Variants in TXNDC15 observed in about 807,000 individuals in gnomAD.
The protein encoded by TXNDC15 is thioredoxin domain-containing protein 15.
A neutral mutation model predicts 35.0 loss-of-function variants in TXNDC15; 24 were observed. The ratio of observed to expected loss-of-function variants is 0.68; its 90% CI spans 0.50 to 0.96. The LOEUF (loss-of-function observed/expected upper bound fraction) is 0.96, where lower values mean the gene tolerates loss of function less well. Ranked by LOEUF, TXNDC15 falls within the 40% of genes least tolerant of loss-of-function variation. The probability of loss-of-function intolerance (pLI) is 0.00; values close to 1 mark genes in which losing one functional copy is unlikely to be tolerated. For synonymous variants in TXNDC15, 169 were observed against 174.0 expected, an observed-to-expected ratio of 0.97 and a Z score of 0.23; for missense variants, 385 against 453.3, an observed-to-expected ratio of 0.85 and a Z score of 1.37.
chr5:134,885,883 G>C (rs1210621784), intron 1 of TXNDC15, among the ~76,000 whole-genome samples: 1 of 152,112 alleles, frequency 6.6e-6, no homozygotes. Flanking sequence ...AGGTAAATCT[G>C]GTTCTTGTTA....
In TXNDC15 at chr5:134,899,724, C is replaced by T. The variant is rs756153928; in HGVS notation, c.*39C>T. 3 of 1,497,272 alleles carry T rather than the reference C, an allele frequency of 2.0e-6. No homozygotes were observed. The highest frequency in any genetic ancestry group is 2.7e-6 in the Non-Finnish European group (3 of 1,113,562). The allele number at this position is 1,497,272 out of a possible 1,614,324, so 92.7% of individuals were successfully genotyped here. A position where few individuals can be genotyped will look rare whatever the true frequency, so the allele number is the denominator to read the frequency against. On this transcript the variant is annotated 3_prime_UTR_variant, in exon 5 of 5. Coordinates refer to ENST00000358387, the MANE Select transcript of TXNDC15 (RefSeq NM_024715.4). ...GAAGTTGGAAAGAGGAACTTCAATC[C>T]TTCGTTTCAGAAATTAGTGCTACAG...
intron 2 of TXNDC15, among the ~76,000 whole-genome samples, chr5:134,889,624 G>T (rs1283703442): frequency 6.6e-6 from 1 of 152,186 alleles, no homozygotes; most frequent in Non-Finnish European, 1.5e-5. Flanking sequence ...TTGGATTTGA[G>T]ATCGTAGTCC....
At position 134,874,531 on chromosome 5, in the gene TXNDC15, G is replaced by T; in HGVS notation, c.103+1G>T. 1.3e-6 allele frequency: 2 copies of T among 1,598,298 alleles called. No individual in the cohort carries two copies. ...GGACTTCCCGTCCGCGGCGTGGAGG[G>T]TGAGTGTGGGCCGGGGGCGGTGCAT... On this transcript the variant is annotated splice_donor_variant, in intron 1 of 4. Transcript: ENST00000358387. LOFTEE classifies it high-confidence loss of function.
intron 1 of TXNDC15, among the ~76,000 whole-genome samples, chr5:134,882,190 C>T: frequency 6.6e-6 from 1 of 151,288 alleles, no homozygotes; most frequent in Non-Finnish European, 1.5e-5. Context: ...AGAGACGCTC[C>T]TCACATCCCG....
intron 2 of TXNDC15, chr5:134,892,187 T>C (rs1210962099): frequency 6.6e-6 from 1 of 152,164 alleles, no homozygotes; most frequent in Non-Finnish European, 1.5e-5. Context: ...CCCATTGATC[T>C]TTGATGTTAC....
intron 2 of TXNDC15, among the ~76,000 whole-genome samples, chr5:134,890,737 C>T (rs1440455888): frequency 6.6e-6 from 1 of 152,214 alleles, no homozygotes; most frequent in Non-Finnish European, 1.5e-5. Flanking sequence ...TAATTCCTTT[C>T]ACGAAAGAAT....
At position 134,888,164 on chromosome 5, in the gene TXNDC15, A is replaced by G. The variant is rs992611662; in HGVS notation, c.573A>G (p.Lys191=). 2 of 1,602,832 alleles carry G rather than the reference A, an allele frequency of 1.2e-6. No homozygotes were observed. The highest frequency in any genetic ancestry group is 2.7e-5 in the African/African-American group (2 of 74,640). Residue 191 remains lysine (K), a synonymous_variant, in exon 2 of 5, where the codon AAA becomes AAG. Transcript: ENST00000358387. The stretch of plus-strand genomic sequence containing the variant: ...CAGGATTAGAAAATTTCACTCTGAA[A>G]ATTTTAAATATGTCACAGGTAAGGA... ...NITGLENFTL[K]ILNMSQDLMD...
At chr5:134,877,472 A>G (rs1042198002) in intron 1 of TXNDC15, among the ~76,000 whole-genome samples, 5 of 152,168 alleles carry the variant, frequency 3.3e-5, no homozygotes, top group African/African-American at 1.2e-4. Context: ...TGGAGGGGGG[A>G]TAGCAGGCTG....
Position 134,887,868 on chromosome 5 carries a change from A to G in TXNDC15, c.277A>G (p.Met93Val), listed in dbSNP as rs1486887522. The stretch of plus-strand genomic sequence containing the variant: ...GGACACCCAAGGCGATCACATGGTG[A>G]TGCTGTCTGTGATTCCTGGGGAAGC... The part of the protein sequence containing the change: ...GLDTQGDHMV[M>V]LSVIPGEAED... The change falls in exon 2 of 5, where the codon ATG (methionine) becomes GTG (valine). Residue 93 changes from methionine (M) to valine (V), a missense_variant. Transcript: ENST00000358387. 1.9e-6 allele frequency: 3 copies of G among 1,614,194 alleles called. No individual in the cohort carries two copies. In the South Asian group the frequency reaches 3.3e-5, roughly 18 times the overall value.
At chr5:134,893,400 C>T in intron 2 of TXNDC15, 92 bp from the exon 3 acceptor site, 1 of 1,503,334 alleles carries the variant, frequency 6.7e-7, no homozygotes, top group East Asian at 2.3e-5. Flanking sequence ...CCGTTCCTCT[C>T]CCTGGAGCAG....
chr5:134,899,780 C>A lies in TXNDC15; in HGVS notation c.*95C>A. 4 of 1,011,938 alleles carry A rather than the reference C, an allele frequency of 4.0e-6. No individual in the cohort carries two copies. Among genetic ancestry groups the A allele is most frequent in the Non-Finnish European group, 5.7e-6 (4 of 705,086 alleles). The allele number at this position is 1,011,938 out of a possible 1,614,324, so 62.7% of individuals were successfully genotyped here. ...TACATTTTCTCCAGTGACGTGTTGA[C>A]TTGAAACTTCAGGCAGATTAAAAGA... is the stretch of plus-strand genomic sequence containing the variant. On this transcript the variant is annotated 3_prime_UTR_variant, in exon 5 of 5. Transcript: ENST00000358387.
chr5:134,875,892 A>G (rs746118704), intron 1 of TXNDC15, among the ~76,000 whole-genome samples: 4 of 151,330 alleles, frequency 2.6e-5, no homozygotes, highest in Non-Finnish European at 5.9e-5. Flanking sequence ...CTGGTCTGGA[A>G]CTCCTGACCT....
rs1031786351 is a variant in TXNDC15 at position 134,900,843 on chromosome 5, A to C, written c.*1158A>C. Reference sequence around the variant, plus strand: ...CACTCTGTCACCTAGGCTGGAGTGCAATGGTGCAATCTTGGCTCACTGCAA... The same window carrying C: ...CACTCTGTCACCTAGGCTGGAGTGCCATGGTGCAATCTTGGCTCACTGCAA... On this transcript the variant is annotated 3_prime_UTR_variant, in exon 5 of 5. Coordinates refer to ENST00000358387, the MANE Select transcript of TXNDC15 (RefSeq NM_024715.4). 1.3e-5 allele frequency: 2 copies of C among 151,772 alleles called. No individual in the cohort carries two copies. Among genetic ancestry groups the C allele is most frequent in the Admixed American group, 1.3e-4 (2 of 15,222 alleles). The allele number at this position is 151,772 out of a possible 1,614,324, so 9.4% of individuals were successfully genotyped here.
At chr5:134,874,267 G>A (rs1749979666), upstream of TXNDC15, 1 of 590,906 alleles carries the variant, frequency 1.7e-6, no homozygotes, top group Non-Finnish European at 2.9e-6. Context: ...AGCGGCTAGA[G>A]GCCGTCCGCC....
intron 1 of TXNDC15, among the ~76,000 whole-genome samples, chr5:134,875,678 AT>A (rs1283511469): frequency 7.0e-6 from 1 of 143,598 alleles, no homozygotes; most frequent in East Asian, 2.0e-4. Context: ...TTTTATTTTT[AT>A]TTTTTTTTGA....
At chr5:134,889,870 TA>T (rs1383579597) in intron 2 of TXNDC15, among the ~76,000 whole-genome samples, 1 of 152,238 alleles carries the variant, frequency 6.6e-6, no homozygotes, top group African/African-American at 2.4e-5. Context: ...GCATTATGTT[TA>T]AAAAATGTAT....
chr5:134,899,918 G>T lies in TXNDC15; in HGVS notation c.*233G>T. On this transcript the variant is annotated 3_prime_UTR_variant, in exon 5 of 5. Coordinates refer to ENST00000358387, the MANE Select transcript of TXNDC15 (RefSeq NM_024715.4). ...TAGATGCACTATTCTTGTTTTTACT[G>T]CATGAACGTAATCCAGTATTTGGAA... 2.3e-6 allele frequency: 1 copy of T among 435,840 alleles called. No homozygotes were observed. The highest frequency in any genetic ancestry group is 4.0e-6 in the Non-Finnish European group (1 of 249,676). 27.0% of individuals were successfully genotyped at this position (435,840 alleles called of 1,614,324 possible).
chr5:134,882,852 G>GGGGAGA (rs1416978833), intron 1 of TXNDC15, among the ~76,000 whole-genome samples: 2 of 152,132 alleles, frequency 1.3e-5, no homozygotes, highest in South Asian at 2.1e-4. Context: ...AGAGGGGGAG[G>GGGGAGA]GGGAGAGGGA....
At position 134,899,664 on chromosome 5, in the gene TXNDC15, A is replaced by G. The variant is rs1241956953; in HGVS notation, c.1062A>G (p.Gln354=). 2.5e-6 allele frequency: 4 copies of G among 1,610,606 alleles called. No homozygotes were observed. In the African/African-American group the frequency reaches 5.4e-5, roughly 22 times the overall value. Residue 354 remains glutamine, a synonymous_variant, in exon 5 of 5, where the codon CAA becomes CAG. Transcript: ENST00000358387. Reference sequence around the variant, plus strand: ...GTATTCGGTGGCTAATTCCAGGACAAGAGCAGGAACATGTGGAGTAGTGAT... The same window carrying G: ...GTATTCGGTGGCTAATTCCAGGACAGGAGCAGGAACATGTGGAGTAGTGAT... ...TESIRWLIPG[Q]EQEHVE
Sources: gnomAD v4.1 joint callset for allele counts (sites outside exome capture counted in the v4.1 genomes callset) on GRCh38, gnomAD v4.1.1 for gene constraint, MANE v1.5 for transcripts, NCBI Gene and HGNC (gene_info 2026-07-23, HGNC 2026-07-21) for gene names.